Variants in NDC1 observed in about 807,000 individuals in gnomAD.
The protein encoded by NDC1 is NDC1 transmembrane nucleoporin.
NDC1 carries 24 observed loss-of-function variants against 89.8 expected under a neutral mutation model. The ratio of observed to expected loss-of-function variants is 0.27; its 90% CI spans 0.19 to 0.38. The LOEUF (loss-of-function observed/expected upper bound fraction) is 0.38. NDC1 is among the 10% of genes least tolerant of loss of function. NDC1 has a pLI of 1.00. For missense variants in NDC1, 728 were observed against 797.6 expected, an observed-to-expected ratio of 0.91 and a Z score of 1.05; for synonymous variants, 296 against 284.8, an observed-to-expected ratio of 1.04 and a Z score of -0.39.
rs141254223 is a variant in NDC1, at chr1:53,807,743, C to T, written c.804G>A (p.Ser268=). 23 of 1,613,736 alleles carry T rather than the reference C, an allele frequency of 1.4e-5. No homozygotes were observed. The South Asian group carries it at 1.5e-4, about 11-fold the overall frequency. Residue 268 remains serine, a synonymous_variant, in exon 8 of 18, where the codon TCG becomes TCA. Transcript: ENST00000371429. ...CACACAGCCAGACATGGTAGAGTAA[C>T]GAGAGATTTAAGAGGCCACTCACTG... ...LDTVSGLLNL[S]LLYHVWLCGV... is the part of the protein sequence containing the mutation.
At position 53,768,008 on chromosome 1, in the gene NDC1, G is replaced by C; in HGVS notation, c.1987C>G (p.Gln663Glu). 1 of 1,608,852 alleles carries C rather than the reference G, an allele frequency of 6.2e-7. No individual in the cohort carries two copies. Among genetic ancestry groups the C allele is most frequent in the South Asian group, 1.1e-5 (1 of 90,072 alleles). ...LNAVQASAEH[Q>E]KRLQQFLEFK... ...TCCAAGAACTGTTGAAGTCTTTTCTGATGTTCTGCAGATGCTTGCACAGCA... is the reference window on the plus strand; with the variant it reads ...TCCAAGAACTGTTGAAGTCTTTTCTCATGTTCTGCAGATGCTTGCACAGCA... The change falls in exon 18 of 18, where the codon CAG (glutamine) becomes GAG (glutamate). Residue 663 changes from glutamine (Q) to glutamate (E), a missense_variant. Transcript: ENST00000371429.
At chr1:53,779,438 T>C (rs1179965722) in intron 16 of NDC1, among the ~76,000 whole-genome samples, 1 of 152,088 alleles carries the variant, frequency 6.6e-6, no homozygotes, top group Non-Finnish European at 1.5e-5. Context: ...CAAAGAAATA[T>C]AATAAATGTT....
intron 5 of NDC1, among the ~76,000 whole-genome samples, chr1:53,822,522 G>A (rs1370262698): frequency 6.7e-6 from 1 of 150,372 alleles, no homozygotes; most frequent in African/African-American, 2.4e-5. Context: ...CTGGTAAACT[G>A]CTACCAGTTT....
intron 2 of NDC1, among the ~76,000 whole-genome samples, chr1:53,832,843 T>C (rs901260406): frequency 6.6e-6 from 1 of 151,986 alleles, no homozygotes; most frequent in Non-Finnish European, 1.5e-5. Flanking sequence ...CAAAACCCTA[T>C]CTCTACAAAA....
Position 53,804,782 on chromosome 1 carries a change from A to ATT in NDC1, c.985-775_985-774dup, listed in dbSNP as rs56269011. On this transcript the variant is annotated intron_variant, in intron 9 of 17. Coordinates refer to ENST00000371429, the MANE Select transcript of NDC1 (RefSeq NM_018087.5). ...ATGAGCCACCATGCCCGGCCACCCT[A>ATT]TTTTTTTTTTTTCTTTACTGAAAAT... Among the ~76,000 whole-genome samples the ATT allele has an allele frequency of 2.6e-3, 374 of 146,102 alleles. 2 individuals carry two copies. Among genetic ancestry groups the ATT allele is most frequent in the South Asian group, 3.6e-3 (17 of 4,662 alleles).
chr1:53,794,336 A>C (rs1647623392), intron 13 of NDC1, among the ~76,000 whole-genome samples: 1 of 152,194 alleles, frequency 6.6e-6, no homozygotes, highest in Non-Finnish European at 1.5e-5. Flanking sequence ...ATCAGCTAAA[A>C]GCTAACCCAA....
In NDC1 at chr1:53,828,050, A is replaced by G. The variant is rs1237296234; in HGVS notation, c.404T>C (p.Ile135Thr). 2 of 1,614,064 alleles carry G rather than the reference A, an allele frequency of 1.2e-6. No homozygotes were observed. The highest frequency in any genetic ancestry group is 2.2e-5 in the South Asian group (2 of 91,064). Residue 135 changes from isoleucine (I) to threonine (T), a missense_variant, in exon 4 of 18, where the codon ATA (isoleucine) becomes ACA (threonine). Physicochemically the swap from Ile to Thr is moderately conservative, Grantham distance 89. Coordinates refer to ENST00000371429, the MANE Select transcript of NDC1 (RefSeq NM_018087.5). ...GMVMAWCAAV[I>T]TQGQYSFLVV... ...AAGAAAGCTGTACTGGCCCTGGGTTATCACTGCAGCACACCAGGCCATCAC... is the reference window on the plus strand; with the variant it reads ...AAGAAAGCTGTACTGGCCCTGGGTTGTCACTGCAGCACACCAGGCCATCAC...
chr1:53,787,113 AG>A, intron 16 of NDC1, 44 bp downstream of exon 16: 1 of 938,482 alleles, frequency 1.1e-6, no homozygotes, highest in Non-Finnish European at 1.7e-6. Flanking sequence ...ACTGGGTGGG[AG>A]GGGAAGATGA....
Position 53,828,024 on chromosome 1 carries a change from C to A in NDC1, c.430G>T (p.Val144Leu), listed in dbSNP as rs200547658. ...CTGTTAGTACCAGTGCAGGGAACCA[C>A]AAGAAAGCTGTACTGGCCCTGGGTT... ...VITQGQYSFL[V>L]VPCTGTNSFG... is the part of the protein sequence containing the mutation. The change falls in exon 4 of 18, where the codon GTG becomes TTG. Residue 144 changes from valine to leucine, a missense_variant. By Grantham distance (32) the Val-to-Leu change is conservative. Transcript: ENST00000371429. 1.7e-5 allele frequency: 28 copies of A among 1,612,752 alleles called. No individual in the cohort carries two copies. The highest frequency in any genetic ancestry group is 1.3e-5 in the African/African-American group (1 of 74,882).
At chr1:53,788,460 A>C (rs1218270229) in intron 15 of NDC1, among the ~76,000 whole-genome samples, 1 of 151,532 alleles carries the variant, frequency 6.6e-6, no homozygotes, top group Non-Finnish European at 1.5e-5. Context: ...GAGTTGCGCT[A>C]TTTGTTACCC....
chr1:53,816,997 G>A (rs1201718950), intron 6 of NDC1, among the ~76,000 whole-genome samples: 3 of 152,188 alleles, frequency 2.0e-5, no homozygotes, highest in Admixed American at 6.5e-5. Flanking sequence ...AACAGTAGAT[G>A]TTGGCGTGGA....
At chr1:53,826,763 A>T (rs1351856178) in intron 4 of NDC1, among the ~76,000 whole-genome samples, 1 of 152,204 alleles carries the variant, frequency 6.6e-6, no homozygotes, top group Non-Finnish European at 1.5e-5. Context: ...AGAGGCACAC[A>T]GGTTGTAGGC....
chr1:53,818,422 C>T (rs956883863), intron 6 of NDC1, among the ~76,000 whole-genome samples: 17 of 149,092 alleles, frequency 1.1e-4, no homozygotes, highest in African/African-American at 4.2e-4. Flanking sequence ...GCCTGGGTGA[C>T]AGATCATCAA....
intron 9 of NDC1, 63 bp from the exon 10 acceptor site, chr1:53,804,072 A>T: frequency 1.7e-6 from 2 of 1,167,868 alleles, no homozygotes; most frequent in South Asian, 2.6e-5. Flanking sequence ...AATCTCACTA[A>T]TTGGGTTCAT....
intron 5 of NDC1, among the ~76,000 whole-genome samples, chr1:53,822,850 T>C (rs1022736970): frequency 6.6e-5 from 10 of 152,182 alleles, no homozygotes; most frequent in African/African-American, 7.2e-5. Context: ...TAAAGTTCTC[T>C]GGTCAGCTTG....
At chr1:53,770,048 A>G (rs1184380373) in intron 17 of NDC1, among the ~76,000 whole-genome samples, 1 of 152,210 alleles carries the variant, frequency 6.6e-6, no homozygotes, top group Admixed American at 6.5e-5. Flanking sequence ...CAGATCTAAC[A>G]TTCTTTCCAC....
chr1:53,807,942 C>G (rs1180899975), intron 7 of NDC1, 151 bp from the exon 8 acceptor site: 1 of 748,788 alleles, frequency 1.3e-6, no homozygotes, highest in Non-Finnish European at 2.1e-6. Flanking sequence ...AGCTCTTTCC[C>G]TAATACTTTC....
chr1:53,769,801 A>G (rs1647097318), intron 17 of NDC1, among the ~76,000 whole-genome samples: 1 of 152,210 alleles, frequency 6.6e-6, no homozygotes, highest in African/African-American at 2.4e-5. Flanking sequence ...GTTCCCTTTC[A>G]TGGGGACAAA....
chr1:53,829,665 G>A (rs922834124), intron 3 of NDC1, among the ~76,000 whole-genome samples: 1 of 152,190 alleles, frequency 6.6e-6, no homozygotes, highest in African/African-American at 2.4e-5. Context: ...GATGGTTACT[G>A]AAGGAATGAG....
Sources: allele counts gnomAD v4.1 joint callset (sites outside exome capture counted in the v4.1 genomes callset), GRCh38; gene constraint gnomAD v4.1.1; transcripts MANE v1.5; gene names NCBI Gene and HGNC (gene_info 2026-07-23, HGNC 2026-07-21).